GALNT17: variants seen among roughly 807,000 people sequenced by gnomAD.
The protein encoded by GALNT17 is polypeptide N-acetylgalactosaminyltransferase 17, also known as UDP-GalNAc:polypeptide N-acetylgalactosaminyltransferase-like 3.
Under a neutral mutation model 63.7 loss-of-function variants are expected in GALNT17, and 29 were observed. The observed-to-expected ratio is 0.46, with a 90% CI of 0.34 to 0.62. GALNT17 has a LOEUF of 0.62. Ranked by LOEUF, GALNT17 falls within the 20% of genes least tolerant of loss-of-function variation. The pLI is 0.01. For synonymous variants in GALNT17, 305 were observed against 318.3 expected (o/e 0.96, Z 0.45); for missense variants, 603 against 799.6 (o/e 0.75, Z 2.97).
At chr7:71,160,581 C>T (rs928377762) in intron 1 of GALNT17, among the ~76,000 whole-genome samples, 6 of 152,118 alleles carry the variant, frequency 3.9e-5, no homozygotes, top group Admixed American at 2.6e-4. Flanking sequence ...GCCTCAGCCT[C>T]CCAAGTAGCT....
At chr7:71,408,748 A>C (rs958615049) in intron 3 of GALNT17, among the ~76,000 whole-genome samples, 2 of 151,962 alleles carry the variant, frequency 1.3e-5, no homozygotes, top group Non-Finnish European at 2.9e-5. Context: ...TGGTGTGTGC[A>C]GGTAGTTCCA....
intron 5 of GALNT17, among the ~76,000 whole-genome samples, chr7:71,490,396 C>T (rs1787987675): frequency 6.6e-6 from 1 of 152,152 alleles, no homozygotes; most frequent in Admixed American, 6.5e-5. Context: ...TTAGGGTATG[C>T]TCAAGTTATT....
At chr7:71,561,535 G>C (rs550473339) in intron 5 of GALNT17, among the ~76,000 whole-genome samples, 29 of 152,278 alleles carry the variant, frequency 1.9e-4, no homozygotes, top group African/African-American at 6.7e-4. Context: ...ACGGCAGCCT[G>C]TTTGAGTCTG....
chr7:71,626,922 C>T (rs900783546), intron 6 of GALNT17, among the ~76,000 whole-genome samples: 1 of 152,252 alleles, frequency 6.6e-6, no homozygotes, highest in Middle Eastern at 3.4e-3. Flanking sequence ...GTCTCAATGG[C>T]CAGGACTGGG....
At chr7:71,355,937 C>A (rs893550293) in intron 2 of GALNT17, among the ~76,000 whole-genome samples, 2 of 152,100 alleles carry the variant, frequency 1.3e-5, no homozygotes, top group African/African-American at 4.8e-5. Flanking sequence ...TTTCTGTTTT[C>A]ACTTTCTTCT....
At chr7:71,666,549 G>A (rs1472023776) in intron 7 of GALNT17, among the ~76,000 whole-genome samples, 8 of 151,278 alleles carry the variant, frequency 5.3e-5, no homozygotes, top group Non-Finnish European at 1.2e-4. Flanking sequence ...GTTATCCCTC[G>A]CCCCCCTCCC....
intron 1 of GALNT17, among the ~76,000 whole-genome samples, chr7:71,257,063 G>A (rs966352876): frequency 2.6e-5 from 4 of 152,140 alleles, no homozygotes; most frequent in African/African-American, 9.7e-5. Context: ...CACTTCTGGG[G>A]ACATTATTTG....
At chr7:71,681,305 T>C (rs1291715267) in intron 9 of GALNT17, among the ~76,000 whole-genome samples, 2 of 152,174 alleles carry the variant, frequency 1.3e-5, no homozygotes, top group Non-Finnish European at 2.9e-5. Context: ...AAGGCTCACC[T>C]GGGGGTGGGA....
chr7:71,560,343 A>T (rs148797222), intron 5 of GALNT17, among the ~76,000 whole-genome samples: 1 of 152,114 alleles, frequency 6.6e-6, no homozygotes, highest in Non-Finnish European at 1.5e-5. Context: ...TCTTTTGGCC[A>T]CCGTGGCTTA....
At chr7:71,294,039 G>A (rs1791032124) in intron 1 of GALNT17, among the ~76,000 whole-genome samples, 1 of 152,074 alleles carries the variant, frequency 6.6e-6, no homozygotes, top group African/African-American at 2.4e-5. Flanking sequence ...GCGGGTGCCT[G>A]TAGTCCCAGC....
chr7:71,578,332 G>A (rs907892876), intron 6 of GALNT17, among the ~76,000 whole-genome samples: 3 of 151,998 alleles, frequency 2.0e-5, no homozygotes, highest in Admixed American at 1.3e-4. Flanking sequence ...CATCACACCC[G>A]GCCTACAATT....
intron 1 of GALNT17, among the ~76,000 whole-genome samples, chr7:71,311,758 C>T (rs1346229833): frequency 6.6e-6 from 1 of 152,150 alleles, no homozygotes; most frequent in Non-Finnish European, 1.5e-5. Flanking sequence ...GATGGGTACA[C>T]CATGCAGTTG....
At chr7:71,141,221 G>A (rs1787883804) in intron 1 of GALNT17, among the ~76,000 whole-genome samples, 1 of 151,814 alleles carries the variant, frequency 6.6e-6, no homozygotes, top group African/African-American at 2.4e-5. Context: ...ACAAAAAATA[G>A]CCAGGCATGG....
chr7:71,279,278 A>G (rs957027126), intron 1 of GALNT17, among the ~76,000 whole-genome samples: 1 of 151,954 alleles, frequency 6.6e-6, no homozygotes, highest in East Asian at 1.9e-4. Flanking sequence ...GGCAGCAGGA[A>G]GAAGTGTTGA....
intron 3 of GALNT17, among the ~76,000 whole-genome samples, chr7:71,404,004 T>A (rs1221184896): frequency 6.6e-6 from 1 of 152,186 alleles, no homozygotes; most frequent in African/African-American, 2.4e-5. Context: ...ATTATTAGAA[T>A]CAGCTGCAAA....
Position 71,371,289 on chromosome 7 carries a change from T to TA in GALNT17, c.423-16939dup, listed in dbSNP as rs1792619086. On this transcript the variant is annotated intron_variant, in intron 2 of 10. Transcript: ENST00000333538. ...GTTTTTCTGTTACATTTGCTTATGA[T>TA]AAAAAAAGAACAGAAAAAGTATAAA... Among the ~76,000 whole-genome samples, 4 of 152,246 alleles carry TA rather than the reference T, an allele frequency of 2.6e-5. No homozygotes were observed. The South Asian group carries it at 8.3e-4, about 32-fold the overall frequency.
chr7:71,137,322 G>A (rs935278366), intron 1 of GALNT17, among the ~76,000 whole-genome samples: 2 of 151,354 alleles, frequency 1.3e-5, no homozygotes, highest in African/African-American at 4.9e-5. Flanking sequence ...TGTATTTTTA[G>A]TAGAGACGGG....
chr7:71,693,359 G>C (rs1415406956), intron 9 of GALNT17, among the ~76,000 whole-genome samples: 1 of 148,994 alleles, frequency 6.7e-6, no homozygotes, highest in African/African-American at 2.5e-5. Flanking sequence ...GAGATCCTGG[G>C]TTGGATCCTG....
intron 5 of GALNT17, 57 bp from the exon 6 acceptor site, chr7:71,571,227 TG>T (rs766941512): frequency 6.8e-7 from 1 of 1,475,650 alleles, no homozygotes; most frequent in Non-Finnish European, 9.5e-7. Flanking sequence ...ACGGTGCCTA[TG>T]GAAGGGCTTC....
Sources: gnomAD v4.1 joint callset for allele counts (sites outside exome capture counted in the v4.1 genomes callset) on GRCh38, gnomAD v4.1.1 for gene constraint, MANE v1.5 for transcripts, NCBI Gene and HGNC (gene_info 2026-07-23, HGNC 2026-07-21) for gene names.